Variants in UFL1 observed in about 807,000 individuals in gnomAD.
The protein encoded by UFL1 is E3 UFM1-protein ligase 1.
UFL1 carries 78 observed loss-of-function variants against 99.3 expected under a neutral mutation model. That is an observed-to-expected ratio of 0.79 (90% CI 0.65 to 0.95). The LOEUF (loss-of-function observed/expected upper bound fraction) is 0.95, where lower values mean the gene tolerates loss of function less well. Among genes scored for constraint, UFL1 ranks in the 40% least tolerant of loss-of-function variants. The pLI, the probability that UFL1 is intolerant of heterozygous loss-of-function variation, is 0.00. For missense variants in UFL1, 936 were observed against 937.0 expected (o/e 1.00, Z 0.01); for synonymous variants, 335 against 322.2 (o/e 1.04, Z -0.42).
chr6:96,524,298 A>G (rs1191445616), intron 2 of UFL1, 84 bp from the exon 3 acceptor site: 6 of 1,359,248 alleles, frequency 4.4e-6, no homozygotes, highest in Non-Finnish European at 6.1e-6. Context: ...GACTTTGACC[A>G]AAACTTAAAT....
intron 4 of UFL1, among the ~76,000 whole-genome samples, 182 bp downstream of exon 4, chr6:96,525,576 A>G (rs1316532722): frequency 6.6e-6 from 1 of 151,974 alleles, no homozygotes; most frequent in Non-Finnish European, 1.5e-5. Context: ...ATATGGTGGC[A>G]TGTACCTGTA....
In UFL1 at chr6:96,523,260, A is replaced by G. The variant is rs1167594643; in HGVS notation, c.192A>G (p.Lys64=). 5 of 1,610,944 alleles carry G rather than the reference A, an allele frequency of 3.1e-6. No individual in the cohort carries two copies. The Admixed American group carries it at 6.7e-5, about 22-fold the overall frequency. The change falls in exon 2 of 19, where the codon AAA becomes AAG. Residue 64 remains lysine (K), a synonymous_variant. Coordinates refer to ENST00000369278, the MANE Select transcript of UFL1 (RefSeq NM_015323.5). ...KEYITPAQIS[K]EMRDELHVRG... ...ATATTACTCCAGCCCAAATTAGTAAAGAAATGAGAGATGAGCTACATGTCC... is the reference window on the plus strand; with the variant it reads ...ATATTACTCCAGCCCAAATTAGTAAGGAAATGAGAGATGAGCTACATGTCC...
chr6:96,528,912 C>T (rs150239125), intron 6 of UFL1, among the ~76,000 whole-genome samples: 1 of 152,200 alleles, frequency 6.6e-6, no homozygotes, highest in Non-Finnish European at 1.5e-5. Context: ...ATACTGCTGC[C>T]CAGATCAGTA....
At position 96,551,424 on chromosome 6, in the gene UFL1, C is replaced by A. The variant is rs769855199; in HGVS notation, c.1819-9C>A. 2.8e-6 allele frequency: 4 copies of A among 1,423,606 alleles called. No individual in the cohort carries two copies. The highest frequency in any genetic ancestry group is 2.6e-5 in the South Asian group (2 of 78,030). The allele number at this position is 1,423,606 out of a possible 1,614,324, so 88.2% of individuals were successfully genotyped here. ...ACAGTACTGAATGAATTTTCATTTA[C>A]CCCTACAGATAAGAAAGAAAATTTT... On this transcript the variant is annotated splice_polypyrimidine_tract_variant and intron_variant, in intron 15 of 18. Transcript: ENST00000369278.
At chr6:96,537,609 T>G (rs1194520704) in intron 9 of UFL1, 60 bp downstream of exon 9, 7 of 1,436,034 alleles carry the variant, frequency 4.9e-6, no homozygotes, top group Non-Finnish European at 6.4e-6. Flanking sequence ...TTTACTAATA[T>G]TTGACCATTT....
intron 12 of UFL1, among the ~76,000 whole-genome samples, chr6:96,545,025 A>G (rs111579018): frequency 0.013 from 1,957 of 151,194 alleles, 37 homozygotes; most frequent in African/African-American, 0.038. Context: ...TACTAGAAGA[A>G]AATATAATTT....
At chr6:96,538,911 G>C (rs1385612319) in intron 10 of UFL1, 101 bp downstream of exon 10, 4 of 1,025,980 alleles carry the variant, frequency 3.9e-6, no homozygotes, top group Middle Eastern at 3.4e-4. Flanking sequence ...TGAACACTTT[G>C]TATCATTTAT....
At chr6:96,522,202 C>G (rs1769624896) in intron 1 of UFL1, among the ~76,000 whole-genome samples, 1 of 152,168 alleles carries the variant, frequency 6.6e-6, no homozygotes, top group South Asian at 2.1e-4. Flanking sequence ...CCCGCCCCAC[C>G]ATGGACGGGG....
chr6:96,553,288 C>G lies in UFL1; in HGVS notation c.2170C>G (p.Gln724Glu). ...AFLNSKIPED[Q>E]HALLVKYQGL... ...ACTTTTCTTTCCCTTTTCACAGGAT[C>G]AGCATGCTCTTTTGGTAAAGTATCA... The change falls in exon 19 of 19, where the codon CAG becomes GAG. Residue 724 changes from glutamine to glutamate, a missense_variant. Coordinates refer to ENST00000369278, the MANE Select transcript of UFL1 (RefSeq NM_015323.5). 1.2e-6 allele frequency: 2 copies of G among 1,612,170 alleles called. No individual in the cohort carries two copies. The highest frequency in any genetic ancestry group is 1.3e-5 in the African/African-American group (1 of 74,922).
At chr6:96,543,689 TC>T (rs1214520593) in intron 12 of UFL1, among the ~76,000 whole-genome samples, 3 of 151,036 alleles carry the variant, frequency 2.0e-5, no homozygotes, top group African/African-American at 7.3e-5. Context: ...TTGGAGATAT[TC>T]CAAGACATTG....
At chr6:96,550,621 A>G (rs2127953584) in intron 15 of UFL1, among the ~76,000 whole-genome samples, 2 of 152,114 alleles carry the variant, frequency 1.3e-5, no homozygotes, top group African/African-American at 4.8e-5. Context: ...TCCCTCAAAC[A>G]GAGGAACAGT....
At chr6:96,551,387 C>T (rs41292844) in intron 15 of UFL1, 46 bp from the exon 16 acceptor site, 25,459 of 1,017,266 alleles carry the variant, frequency 0.025, 449 homozygotes, top group Non-Finnish European at 0.027. Flanking sequence ...ATATCCATTG[C>T]ATGTCAAAAG....
intron 12 of UFL1, among the ~76,000 whole-genome samples, chr6:96,546,872 A>C (rs1281035961): frequency 2.0e-5 from 3 of 151,490 alleles, no homozygotes; most frequent in African/African-American, 4.8e-5. Context: ...AATGTAAGAC[A>C]TGAAACTGTA....
chr6:96,525,302 T>G lies in UFL1; in HGVS notation c.258T>G (p.Ile86Met). The G allele has an allele frequency of 6.3e-7, 1 of 1,590,910 alleles. No homozygotes were observed. Among genetic ancestry groups the G allele is most frequent in the South Asian group, 1.1e-5 (1 of 87,140 alleles). ...RVNIVDLQQVINVDLIHIENR... is the reference protein window; with the variant it reads ...RVNIVDLQQVMNVDLIHIENR... ...ATTTTGTATTTGTTTTCCAGGTAAT[T>G]AATGTGGACCTGATTCATATTGAAA... is the stretch of plus-strand genomic sequence containing the variant. The change falls in exon 4 of 19, where the codon ATT (isoleucine) becomes ATG (methionine). Residue 86 changes from isoleucine (I) to methionine (M), a missense_variant. Ile to Met is a conservative substitution (Grantham distance 10, BLOSUM62 1). Transcript: ENST00000369278.
rs150651760 is a variant in UFL1, at chr6:96,544,381, C to A, written c.1402+1365C>A. On this transcript the variant is annotated intron_variant, in intron 12 of 18. Transcript: ENST00000369278. ...ATGAAACCATGATACTGCCCTCTTC[C>A]TTATCCCCAGCAAAATGAAAATTAA... Among the ~76,000 whole-genome samples the A allele has an allele frequency of 5.3e-5, 8 of 150,332 alleles. 1 individual carries two copies. In the Middle Eastern group the frequency reaches 0.01, roughly 192 times the overall value.
chr6:96,538,977 T>A (rs2127951426), intron 10 of UFL1, among the ~76,000 whole-genome samples, 167 bp downstream of exon 10: 1 of 151,822 alleles, frequency 6.6e-6, no homozygotes, highest in East Asian at 1.9e-4. Flanking sequence ...TTATTTTTTC[T>A]CTTATTCCCA....
rs1387000981 is a variant in UFL1, at chr6:96,555,247, ATT to A, written c.*1746_*1747del. 2 of 152,136 alleles carry A rather than the reference ATT, an allele frequency of 1.3e-5. No individual in the cohort carries two copies. Among genetic ancestry groups the A allele is most frequent in the Non-Finnish European group, 2.9e-5 (2 of 67,994 alleles). The allele number at this position is 152,136 out of a possible 1,614,324, so 9.4% of individuals were successfully genotyped here. Reference sequence around the variant, plus strand: ...CTTAATGGGCAGGGTTAAGAAAGTTATTTAAAATAAAGTTACCTATTCTACTA... The same window carrying A: ...CTTAATGGGCAGGGTTAAGAAAGTTATAAAATAAAGTTACCTATTCTACTA... On this transcript the variant is annotated 3_prime_UTR_variant, in exon 19 of 19. Coordinates refer to ENST00000369278, the MANE Select transcript of UFL1 (RefSeq NM_015323.5).
chr6:96,538,886 G>A, intron 10 of UFL1, 76 bp downstream of exon 10: 1 of 1,296,140 alleles, frequency 7.7e-7, no homozygotes, highest in South Asian at 1.9e-5. Flanking sequence ...TTTTGAAAAA[G>A]GGGATAAGTG....
chr6:96,528,378 G>A, intron 5 of UFL1, 124 bp from the exon 6 acceptor site: 1 of 1,176,858 alleles, frequency 8.5e-7, no homozygotes, highest in Non-Finnish European at 1.2e-6. Flanking sequence ...ATCTATGCTT[G>A]TTGAAACTTC....
Sources: gnomAD v4.1 joint callset for allele counts (sites outside exome capture counted in the v4.1 genomes callset) on GRCh38, gnomAD v4.1.1 for gene constraint, MANE v1.5 for transcripts, NCBI Gene and HGNC (gene_info 2026-07-23, HGNC 2026-07-21) for gene names.